HPSE2: variants seen among roughly 807,000 people sequenced by gnomAD.
HPSE2 encodes heparanase 2 (inactive), also known as inactive heparanase-2.
A neutral mutation model predicts 60.5 loss-of-function variants in HPSE2; 38 were observed. The observed-to-expected ratio is 0.63, with a 90% CI of 0.48 to 0.82. The LOEUF (loss-of-function observed/expected upper bound fraction) is 0.82, where lower values mean the gene tolerates loss of function less well. Among genes scored for constraint, HPSE2 ranks in the 40% least tolerant of loss-of-function variants. HPSE2 has a pLI of 0.00. For synonymous variants in HPSE2, 295 were observed against 293.2 expected, an observed-to-expected ratio of 1.01 and a Z score of -0.06; for missense variants, 713 against 740.4, an observed-to-expected ratio of 0.96 and a Z score of 0.43.
chr10:99,077,735 T>C (rs1403347618), intron 3 of HPSE2, among the ~76,000 whole-genome samples: 1 of 151,946 alleles, frequency 6.6e-6, no homozygotes, highest in African/African-American at 2.4e-5. Flanking sequence ...TGTGTGTGTG[T>C]GTACTACACA....
At position 98,826,100 on chromosome 10, in the gene HPSE2, T is replaced by C. The variant is rs995591763; in HGVS notation, c.611-82044A>G. On this transcript the variant is annotated intron_variant, in intron 3 of 11. Transcript: ENST00000370552. Reference sequence around the variant, plus strand: ...TCTCTGCATTGTATCTATCATCATTTGATTTTTATGTTTTTATTTCCCCAC... The same window carrying C: ...TCTCTGCATTGTATCTATCATCATTCGATTTTTATGTTTTTATTTCCCCAC... Among the ~76,000 whole-genome samples, 19 of 152,238 alleles carry C rather than the reference T, an allele frequency of 1.2e-4. 1 individual carries two copies. The highest frequency in any genetic ancestry group is 2.6e-4 in the Admixed American group (4 of 15,282).
chr10:98,719,336 ATCATCAATT>A (rs1948864187), intron 5 of HPSE2, among the ~76,000 whole-genome samples: 1 of 152,176 alleles, frequency 6.6e-6, no homozygotes, highest in South Asian at 2.1e-4. Context: ...AACAAATGTT[ATCATCAATT>A]TGATAAGTGC....
At chr10:98,792,830 G>A (rs548423044) in intron 3 of HPSE2, among the ~76,000 whole-genome samples, 2 of 152,264 alleles carry the variant, frequency 1.3e-5, no homozygotes, top group East Asian at 3.9e-4. Context: ...CATTTAATAT[G>A]GGGTAAATAC....
At chr10:98,733,272 A>G (rs1949273004) in intron 4 of HPSE2, among the ~76,000 whole-genome samples, 1 of 152,046 alleles carries the variant, frequency 6.6e-6, no homozygotes, top group Admixed American at 6.5e-5. Context: ...GGTGCACGCC[A>G]GCATATTCTG....
At chr10:98,992,629 G>C (rs994625726) in intron 3 of HPSE2, among the ~76,000 whole-genome samples, 8 of 152,162 alleles carry the variant, frequency 5.3e-5, no homozygotes, top group African/African-American at 1.9e-4. Context: ...AAGTCTTGCA[G>C]TCAAGGATCT....
At chr10:99,207,060 G>A (rs1848773821) in intron 2 of HPSE2, among the ~76,000 whole-genome samples, 1 of 152,068 alleles carries the variant, frequency 6.6e-6, no homozygotes, top group Non-Finnish European at 1.5e-5. Context: ...GAAAGTCAAA[G>A]ATCTTTAATC....
chr10:99,051,794 T>C (rs1406886341), intron 3 of HPSE2, among the ~76,000 whole-genome samples: 2 of 152,050 alleles, frequency 1.3e-5, no homozygotes, highest in Non-Finnish European at 2.9e-5. Context: ...CTGCAGAAAG[T>C]AGTAATGCCA....
chr10:99,242,525 T>C, the HPSE2 span, among the ~76,000 whole-genome samples: 1 of 152,202 alleles, frequency 6.6e-6, no homozygotes, highest in African/African-American at 2.4e-5. Flanking sequence ...CTTGAGGGAC[T>C]GCTAGAGATA....
chr10:99,259,693 C>T, the HPSE2 span, among the ~76,000 whole-genome samples: 1 of 152,154 alleles, frequency 6.6e-6, no homozygotes, highest in South Asian at 2.1e-4. Context: ...CAGGGGTCCC[C>T]AACTCCCAGG....
intron 9 of HPSE2, among the ~76,000 whole-genome samples, chr10:98,599,699 G>C (rs772318635): frequency 2.0e-5 from 3 of 152,138 alleles, no homozygotes; most frequent in African/African-American, 4.8e-5. Context: ...GTATAAAACT[G>C]TTCTTCCTTC....
chr10:99,116,699 A>C (rs1054696735), intron 3 of HPSE2, among the ~76,000 whole-genome samples: 5 of 152,214 alleles, frequency 3.3e-5, no homozygotes, highest in Non-Finnish European at 7.3e-5. Flanking sequence ...CCTGTGAGAC[A>C]CGGAGAACAA....
chr10:98,867,525 G>C (rs539925916), intron 3 of HPSE2, among the ~76,000 whole-genome samples: 1 of 152,120 alleles, frequency 6.6e-6, no homozygotes, highest in Non-Finnish European at 1.5e-5. Context: ...TAGAGAAAAG[G>C]GAACTTGTAC....
chr10:98,574,674 C>T (rs1287049453), intron 9 of HPSE2, among the ~76,000 whole-genome samples: 1 of 125,138 alleles, frequency 8.0e-6, no homozygotes, highest in Non-Finnish European at 1.7e-5. Context: ...GCAGTGATTC[C>T]CTTTGTGCAT....
chr10:98,611,919 C>T (rs1945772862), intron 9 of HPSE2, among the ~76,000 whole-genome samples: 1 of 152,224 alleles, frequency 6.6e-6, no homozygotes, highest in Admixed American at 6.5e-5. Flanking sequence ...CTATGAACTT[C>T]TATGAGCTCT....
intron 2 of HPSE2, among the ~76,000 whole-genome samples, chr10:99,174,535 G>C (rs1321975928): frequency 6.6e-6 from 1 of 152,166 alleles, no homozygotes. Context: ...ATCAATACTT[G>C]AGATCAGCCA....
intron 9 of HPSE2, among the ~76,000 whole-genome samples, chr10:98,491,365 C>T (rs1214929073): frequency 2.0e-5 from 3 of 152,146 alleles, no homozygotes; most frequent in Admixed American, 1.3e-4. Flanking sequence ...CAACCATTTA[C>T]TTTAATTTTA....
At chr10:99,099,137 C>T (rs1307738819) in intron 3 of HPSE2, among the ~76,000 whole-genome samples, 1 of 152,154 alleles carries the variant, frequency 6.6e-6, no homozygotes, top group Non-Finnish European at 1.5e-5. Context: ...GCTTGTCAGA[C>T]AGTGGGTGCA....
chr10:98,536,282 A>G (rs894919499), intron 9 of HPSE2, among the ~76,000 whole-genome samples: 1 of 152,238 alleles, frequency 6.6e-6, no homozygotes, highest in Non-Finnish European at 1.5e-5. Context: ...AGCTGAAAGG[A>G]TATTCTCAGT....
intron 3 of HPSE2, among the ~76,000 whole-genome samples, chr10:99,133,041 C>T (rs1845506645): frequency 6.6e-6 from 1 of 152,206 alleles, no homozygotes; most frequent in African/African-American, 2.4e-5. Flanking sequence ...ACCTGGGATG[C>T]ATGAGCTTGG....
Sources: allele counts gnomAD v4.1 joint callset (sites outside exome capture counted in the v4.1 genomes callset), GRCh38; gene constraint gnomAD v4.1.1; transcripts MANE v1.5; gene names NCBI Gene and HGNC (gene_info 2026-07-23, HGNC 2026-07-21).